The following SYTL4 variants were observed in gnomAD, a reference collection of about 807,000 sequenced individuals.
SYTL4 encodes the protein synaptotagmin-like protein 4.
A neutral mutation model predicts 52.7 loss-of-function variants in SYTL4; 16 were observed. The observed-to-expected ratio is 0.30, with a 90% CI of 0.21 to 0.46. The LOEUF is 0.46. SYTL4 is among the 20% of genes least tolerant of loss of function. SYTL4 has a pLI of 1.00. For missense variants in SYTL4, 423 were observed against 519.9 expected (o/e 0.81, Z 1.81); for synonymous variants, 160 against 186.6 (o/e 0.86, Z 1.16).
chrX:100,679,513 C>T (rs2083336205), intron 17 of SYTL4, 101 bp from the exon 18 acceptor site: 2 of 646,004 alleles, frequency 3.1e-6, no homozygotes, highest in Non-Finnish European at 4.9e-6. Context: ...CTAAAGGCAG[C>T]GAGCTCCATA....
At chrX:100,681,438 G>A (rs2083373316) in intron 16 of SYTL4, 103 bp from the exon 17 acceptor site, 6 of 548,092 alleles carry the variant, frequency 1.1e-5, no homozygotes, top group Non-Finnish European at 1.5e-5. Flanking sequence ...AACAGCATCA[G>A]GGCAAAAGAG....
At chrX:100,704,286 T>C (rs1481041413) in intron 3 of SYTL4, among the ~76,000 whole-genome samples, 4 of 112,086 alleles carry the variant, frequency 3.6e-5, no homozygotes, top group Non-Finnish European at 1.9e-5. Context: ...TATTTCTGAC[T>C]CTTTGGTTTC....
chrX:100,684,851 C>T (rs1052689166), intron 16 of SYTL4: 3 of 111,553 alleles, frequency 2.7e-5, no homozygotes. Flanking sequence ...CTTGCGCCAC[C>T]ATGCCCAGCT....
At chrX:100,688,560 C>CTT in intron 12 of SYTL4, 117 bp from the exon 13 acceptor site, 2 of 375,629 alleles carry the variant, frequency 5.3e-6, no homozygotes, top group South Asian at 1.1e-4. Context: ...CGCACACATA[C>CTT]TTCTTTTTTT....
intron 16 of SYTL4, among the ~76,000 whole-genome samples, chrX:100,683,862 A>G (rs987678627): frequency 3.8e-4 from 42 of 111,979 alleles, no homozygotes; most frequent in African/African-American, 1.4e-3. Context: ...TCTGGCTCCA[A>G]ATATTTACAA....
intron 12 of SYTL4, 95 bp from the exon 13 acceptor site, chrX:100,688,538 T>A: frequency 1.4e-6 from 1 of 690,733 alleles, no homozygotes; most frequent in Non-Finnish European, 2.1e-6. Context: ...CAAGTTGCCA[T>A]GTGTATGTGT....
intron 17 of SYTL4, among the ~76,000 whole-genome samples, chrX:100,680,239 G>GA (rs1327709936): frequency 1.8e-5 from 2 of 110,635 alleles, no homozygotes; most frequent in Admixed American, 9.7e-5. Flanking sequence ...GCTCTCTCCT[G>GA]ATAACCTTTT....
At chrX:100,690,018 CCCATCAAGGGT>C in intron 11 of SYTL4, 46 bp downstream of exon 11, 1 of 1,155,551 alleles carries the variant, frequency 8.7e-7, no homozygotes, top group Non-Finnish European at 1.2e-6. Flanking sequence ...ATACCAAGAG[CCCATCAAGGGT>C]ACTCAGAACT....
intron 2 of SYTL4, among the ~76,000 whole-genome samples, chrX:100,713,903 T>C (rs1314478825): frequency 9.2e-6 from 1 of 108,827 alleles, no homozygotes; most frequent in Non-Finnish European, 1.9e-5. Context: ...TTCTAGAAAA[T>C]ACATAGTGTC....
rs58418223 is a variant in SYTL4 at position 100,689,639 on chromosome X, CAAAAAAAAAAAA to C, written c.912+205_912+216del. On this transcript the variant is annotated intron_variant, in intron 12 of 19. Transcript: ENST00000372989. ...GAGAAACAAGAGCGAAACTCCGTCTCAAAAAAAAAAAAAAAAAAAAAAAAGAGATAGCAAAGA... is the reference window on the plus strand; with the variant it reads ...GAGAAACAAGAGCGAAACTCCGTCTCAAAAAAAAAAAAGAGATAGCAAAGA... 7.3e-3 allele frequency among the ~76,000 whole-genome samples: 291 copies of C among 39,674 alleles called. 2 individuals carry two copies. Among genetic ancestry groups the C allele is most frequent in the Non-Finnish European group, 9.5e-3 (241 of 25,314 alleles). 34.5% of individuals were successfully genotyped at this position (39,674 alleles called of 115,157 possible).
At chrX:100,716,729 C>T (rs979795368) in intron 2 of SYTL4, among the ~76,000 whole-genome samples, 14 of 110,030 alleles carry the variant, frequency 1.3e-4, no homozygotes, top group African/African-American at 4.0e-4. Flanking sequence ...AAAATAATTG[C>T]TTTGGGATAT....
At chrX:100,724,096 G>A (rs1169780487) in intron 2 of SYTL4, among the ~76,000 whole-genome samples, 1 of 98,384 alleles carries the variant, frequency 1.0e-5, no homozygotes, top group Non-Finnish European at 2.0e-5. Flanking sequence ...CTGCTGGGAA[G>A]TGAGGAGCCC....
chrX:100,688,643 C>A (rs1387543058), intron 12 of SYTL4, among the ~76,000 whole-genome samples, 200 bp from the exon 13 acceptor site: 1 of 106,803 alleles, frequency 9.4e-6, no homozygotes, highest in Non-Finnish European at 1.9e-5. Context: ...CAGCTCACCG[C>A]AACCTCCGCC....
chrX:100,714,830 A>C (rs2084166968), intron 2 of SYTL4, among the ~76,000 whole-genome samples: 1 of 111,779 alleles, frequency 8.9e-6, no homozygotes, highest in Admixed American at 9.5e-5. Flanking sequence ...CATTAAAATC[A>C]AGTATAAAAA....
At chrX:100,720,289 C>T (rs373588995) in intron 2 of SYTL4, among the ~76,000 whole-genome samples, 5 of 111,784 alleles carry the variant, frequency 4.5e-5, no homozygotes, top group Admixed American at 9.5e-5. Flanking sequence ...TTGACAGCCC[C>T]ATTTTTTAGA....
rs1463541968 is a variant in SYTL4, at chrX:100,675,286, C to A, written c.*742G>T. 8.9e-6 allele frequency: 1 copy of A among 112,447 alleles called. No homozygotes were observed. Among genetic ancestry groups the A allele is most frequent in the African/African-American group, 3.2e-5 (1 of 30,830 alleles). 9.3% of individuals were successfully genotyped at this position (112,447 alleles called of 1,213,427 possible). On this transcript the variant is annotated 3_prime_UTR_variant, in exon 20 of 20. Coordinates refer to ENST00000372989, the MANE Select transcript of SYTL4 (RefSeq NM_001370165.1). ...TCAGCTAGAAGCTCTCACTGGGCAT[C>A]CTCGTGATTTAGTCAAAATACATTA...
chrX:100,686,166 T>C lies in SYTL4; in HGVS notation c.1288-15A>G, dbSNP rs2083469928. ...GGGATCTCATACTGTGAAGGGAAAG[T>C]AAAAGCCCAAGATGATTAGTTAAGG... On this transcript the variant is annotated splice_polypyrimidine_tract_variant and intron_variant, in intron 15 of 19. Transcript: ENST00000372989. 8.4e-7 allele frequency: 1 copy of C among 1,193,511 alleles called. No homozygotes were observed. The highest frequency in any genetic ancestry group is 2.3e-5 in the Admixed American group (1 of 43,676).
intron 2 of SYTL4, among the ~76,000 whole-genome samples, chrX:100,716,303 C>T (rs1043851607): frequency 9.4e-6 from 1 of 105,823 alleles, no homozygotes; most frequent in Admixed American, 1.0e-4. Context: ...TACAAAATTA[C>T]CCTGGCATGG....
chrX:100,719,661 G>C (rs1459439748), intron 2 of SYTL4, among the ~76,000 whole-genome samples: 1 of 107,110 alleles, frequency 9.3e-6, no homozygotes, highest in Non-Finnish European at 1.9e-5. Flanking sequence ...AAAGATGGCA[G>C]GTGCATAATG....
Sources: gnomAD v4.1 joint callset for allele counts (sites outside exome capture counted in the v4.1 genomes callset) on GRCh38, gnomAD v4.1.1 for gene constraint, MANE v1.5 for transcripts, NCBI Gene and HGNC (gene_info 2026-07-23, HGNC 2026-07-21) for gene names.